CEP192: variants seen among roughly 807,000 people sequenced by gnomAD.
The protein encoded by CEP192 is centrosomal protein of 192 kDa.
CEP192 carries 151 observed loss-of-function variants against 271.8 expected under a neutral mutation model. That is an observed-to-expected ratio of 0.56 (90% CI 0.49 to 0.64). The LOEUF (loss-of-function observed/expected upper bound fraction) is 0.64. Ranked by LOEUF, CEP192 falls within the 30% of genes least tolerant of loss-of-function variation. CEP192 has a pLI of 0.00. For synonymous variants in CEP192, 995 were observed against 1,076.5 expected, an observed-to-expected ratio of 0.92 and a Z score of 1.48; for missense variants, 2,910 against 3,020.5, an observed-to-expected ratio of 0.96 and a Z score of 0.86.
At chr18:12,993,431 T>C (rs1418588998) in intron 1 of CEP192, among the ~76,000 whole-genome samples, 2 of 152,186 alleles carry the variant, frequency 1.3e-5, no homozygotes, top group Non-Finnish European at 2.9e-5. Flanking sequence ...TCAAGTTCCT[T>C]ACATAGATTG....
chr18:13,028,288 G>A lies in CEP192; in HGVS notation c.1051-1375G>A, dbSNP rs142787155. On this transcript the variant is annotated intron_variant, in intron 9 of 44. Transcript: ENST00000506447. ...GATGGTCTTATCTCAAGATCCTTAA[G>A]TTAATTACATCCGTAAAGACCTTGT... is the stretch of plus-strand genomic sequence containing the variant. 2.2e-4 allele frequency among the ~76,000 whole-genome samples: 34 copies of A among 152,308 alleles called. 1 individual carries two copies. The highest frequency in any genetic ancestry group is 7.7e-4 in the African/African-American group (32 of 41,552).
chr18:13,115,661 G>A (rs2040395668), intron 42 of CEP192, among the ~76,000 whole-genome samples: 1 of 152,192 alleles, frequency 6.6e-6, no homozygotes, highest in Non-Finnish European at 1.5e-5. Context: ...CCTCTGCAAT[G>A]GACTGGATAA....
At position 13,008,516 on chromosome 18, in the gene CEP192, A is replaced by G. The variant is rs1329431064; in HGVS notation, c.351A>G (p.Lys117=). The G allele has an allele frequency of 3.2e-6, 5 of 1,551,590 alleles. No homozygotes were observed. The highest frequency in any genetic ancestry group is 4.4e-6 in the Non-Finnish European group (5 of 1,146,910). Residue 117 remains lysine (K), a synonymous_variant, in exon 4 of 45, where the codon AAA becomes AAG. Transcript: ENST00000506447. ...ESQRLSNALS[K]QSALQMETAG... ...AACGTTTGTCAAATGCTCTCAGCAA[A>G]CAGTCAGCTTTACAAATGGAGACAG...
At chr18:13,071,647 C>T (rs2038018953) in intron 28 of CEP192, among the ~76,000 whole-genome samples, 2 of 152,336 alleles carry the variant, frequency 1.3e-5, no homozygotes, top group South Asian at 4.1e-4. Flanking sequence ...TTCCCGACCA[C>T]ACCGAATGGA....
intron 44 of CEP192, among the ~76,000 whole-genome samples, chr18:13,120,750 A>G (rs1033857711): frequency 2.0e-5 from 3 of 152,348 alleles, no homozygotes; most frequent in South Asian, 2.1e-4. Context: ...TCACTATAGG[A>G]CTACAGGGTA....
intron 15 of CEP192, among the ~76,000 whole-genome samples, chr18:13,048,636 A>T (rs746119212): frequency 4.9e-4 from 74 of 152,198 alleles, no homozygotes; most frequent in Non-Finnish European, 5.4e-4. Context: ...AGCCACAGTG[A>T]GTGATAAGTG....
chr18:13,010,097 C>G (rs1218415314), intron 4 of CEP192, among the ~76,000 whole-genome samples: 1 of 152,022 alleles, frequency 6.6e-6, no homozygotes, highest in Non-Finnish European at 1.5e-5. Context: ...TCAAGGTGAT[C>G]ATGCCATTGC....
chr18:13,006,361 A>T (rs2033980039), intron 3 of CEP192, among the ~76,000 whole-genome samples: 1 of 151,842 alleles, frequency 6.6e-6, no homozygotes, highest in Non-Finnish European at 1.5e-5. Flanking sequence ...TTATAAGCAG[A>T]TTTCTTTCAA....
intron 30 of CEP192, among the ~76,000 whole-genome samples, chr18:13,074,895 G>A (rs2038191735): frequency 6.6e-6 from 1 of 152,184 alleles, no homozygotes; most frequent in South Asian, 2.1e-4. Context: ...TTACCAATTT[G>A]GTTGTGAGGA....
intron 11 of CEP192, among the ~76,000 whole-genome samples, chr18:13,035,640 C>T (rs547957811): frequency 1.8e-4 from 28 of 152,220 alleles, no homozygotes; most frequent in East Asian, 1.2e-3. Context: ...TCTTTTGGGC[C>T]GAGTTTCCTA....
At chr18:13,018,891 G>A (rs1161060185) in intron 8 of CEP192, among the ~76,000 whole-genome samples, 191 bp from the exon 9 acceptor site, 1 of 152,046 alleles carries the variant, frequency 6.6e-6, no homozygotes, top group Non-Finnish European at 1.5e-5. Context: ...CTTTGGGTAT[G>A]GTAGCAGTTT....
intron 1 of CEP192, among the ~76,000 whole-genome samples, chr18:12,992,231 A>G (rs2032908637): frequency 6.6e-6 from 1 of 152,162 alleles, no homozygotes; most frequent in Non-Finnish European, 1.5e-5. Context: ...CTTTTTCTCC[A>G]AATTTCAGTT....
rs1253177654 is a variant in CEP192, at chr18:13,038,494, G to A, written c.1724G>A (p.Ser575Asn). 1.1e-5 allele frequency: 17 copies of A among 1,551,514 alleles called. No homozygotes were observed. Among genetic ancestry groups the A allele is most frequent in the Non-Finnish European group, 1.4e-5 (16 of 1,146,956 alleles). The part of the protein sequence containing the change: ...STSDLDKDDA[S>N]YLRLSLGEFF... Reference sequence around the variant, plus strand: ...TCAGATTTGGATAAAGATGATGCCAGTTATTTACGTCTGTCTTTAGGAGAG... The same window carrying A: ...TCAGATTTGGATAAAGATGATGCCAATTATTTACGTCTGTCTTTAGGAGAG... Residue 575 changes from serine (S) to asparagine (N), a missense_variant, in exon 13 of 45, where the codon AGT becomes AAT. Coordinates refer to ENST00000506447, the MANE Select transcript of CEP192 (RefSeq NM_032142.4).
chr18:13,124,823 T>C lies in CEP192; in HGVS notation c.*53T>C. ...TTACATAAGTTGTATTTTGTTAACT[T>C]TATCTTTCTACACTACAATTATGCT... On this transcript the variant is annotated 3_prime_UTR_variant, in exon 45 of 45. Transcript: ENST00000506447. 1 of 1,363,102 alleles carries C rather than the reference T, an allele frequency of 7.3e-7. No individual in the cohort carries two copies. Among genetic ancestry groups the C allele is most frequent in the Non-Finnish European group, 1.0e-6 (1 of 974,548 alleles). 84.4% of individuals were successfully genotyped at this position (1,363,102 alleles called of 1,614,324 possible).
intron 2 of CEP192, among the ~76,000 whole-genome samples, chr18:13,000,091 C>CTCTCTCTCTTTTTTTTT (rs1555698196): frequency 1.3e-5 from 1 of 76,750 alleles, no homozygotes; most frequent in African/African-American, 4.3e-5. Flanking sequence ...TGTCTTCTCT[C>CTCTCTCTCTTTTTTTTT]TTTTTTTTTT....
chr18:13,018,221 C>T, intron 7 of CEP192, among the ~76,000 whole-genome samples: 1 of 152,192 alleles, frequency 6.6e-6, no homozygotes, highest in East Asian at 1.9e-4. Context: ...GTAGCTTTTC[C>T]CCTTCGTTAT....
chr18:13,063,884 G>T (rs1822041786), intron 21 of CEP192, among the ~76,000 whole-genome samples: 1 of 149,482 alleles, frequency 6.7e-6, no homozygotes, highest in Non-Finnish European at 1.5e-5. Flanking sequence ...GCAGTGGCGT[G>T]ATCTCGGCTC....
intron 34 of CEP192, among the ~76,000 whole-genome samples, chr18:13,094,715 AC>A (rs2039306446): frequency 6.6e-6 from 1 of 152,136 alleles, no homozygotes. Context: ...CTGTGGACAA[AC>A]CCAGGAAACG....
chr18:13,066,965 G>GTGTGTGTGTC (rs1555726983), intron 21 of CEP192, among the ~76,000 whole-genome samples: 1 of 109,024 alleles, frequency 9.2e-6, no homozygotes, highest in African/African-American at 3.2e-5. Flanking sequence ...GAGCACGTCT[G>GTGTGTGTGTC]TGTGTGTGTG....
Sources: allele counts gnomAD v4.1 joint callset (sites outside exome capture counted in the v4.1 genomes callset), GRCh38; gene constraint gnomAD v4.1.1; transcripts MANE v1.5; gene names NCBI Gene and HGNC (gene_info 2026-07-23, HGNC 2026-07-21).